TLE4: variants seen among roughly 807,000 people sequenced by gnomAD.
TLE4 encodes the protein TLE family member 4, transcriptional corepressor, also known as transducin-like enhancer protein 4.
Under a neutral mutation model 92.8 loss-of-function variants are expected in TLE4, and 8 were observed. The observed-to-expected ratio is 0.09, with a 90% CI of 0.05 to 0.16. TLE4 has a LOEUF of 0.16. Ranked by LOEUF, TLE4 falls within the 10% of genes least tolerant of loss-of-function variation. The pLI is 1.00. For synonymous variants in TLE4, 371 were observed against 374.1 expected, an observed-to-expected ratio of 0.99 and a Z score of 0.10; for missense variants, 675 against 997.6, an observed-to-expected ratio of 0.68 and a Z score of 4.36.
At chr9:79,649,671 C>T in intron 6 of TLE4, 1 of 453,234 alleles carries the variant, frequency 2.2e-6, no homozygotes. Context: ...AGAGAAGAAG[C>T]TCATTTTAGA....
At chr9:79,699,642 A>G (rs1373046251) in intron 8 of TLE4, among the ~76,000 whole-genome samples, 7 of 152,198 alleles carry the variant, frequency 4.6e-5, no homozygotes, top group African/African-American at 1.4e-4. Context: ...GCCATAACGA[A>G]TGAGTTTTAG....
intron 6 of TLE4, among the ~76,000 whole-genome samples, chr9:79,641,142 CT>C (rs1373069561): frequency 0.014 from 1,972 of 143,104 alleles, 15 homozygotes; most frequent in Non-Finnish European, 0.02. Flanking sequence ...CAGGAAGAAT[CT>C]TTTTTTTTTT....
intron 8 of TLE4, chr9:79,671,126 G>A: frequency 5.2e-6 from 2 of 386,022 alleles, no homozygotes; most frequent in South Asian, 3.6e-5. Context: ...GCTGATCCTA[G>A]CACATATTTA....
At chr9:79,591,511 A>C (rs1483137941) in intron 4 of TLE4, among the ~76,000 whole-genome samples, 2 of 152,222 alleles carry the variant, frequency 1.3e-5, no homozygotes, top group Non-Finnish European at 2.9e-5. Context: ...GAGATTAATC[A>C]GTAGTTGGTC....
intron 4 of TLE4, among the ~76,000 whole-genome samples, chr9:79,588,024 G>T (rs112889268): frequency 6.6e-5 from 10 of 152,294 alleles, no homozygotes; most frequent in African/African-American, 2.4e-4. Context: ...AGGTTACAGA[G>T]TAGGGGTGTC....
chr9:79,572,783 C>T lies in TLE4; in HGVS notation c.-8C>T, dbSNP rs775500015. 2.9e-5 allele frequency: 46 copies of T among 1,599,212 alleles called. No individual in the cohort carries two copies. Among genetic ancestry groups the T allele is most frequent in the African/African-American group, 4.1e-5 (3 of 73,068 alleles). On this transcript the variant is annotated 5_prime_UTR_variant, in exon 1 of 20. Coordinates refer to ENST00000376552, the MANE Select transcript of TLE4 (RefSeq NM_007005.6). ...CTCTGCCGAGCGCAGCCAACTAAAT[C>T]GGCTTGGATGATTCGCGACCTGAGC...
chr9:79,669,975 T>A (rs988743239), intron 8 of TLE4, among the ~76,000 whole-genome samples: 7 of 151,974 alleles, frequency 4.6e-5, no homozygotes, highest in Non-Finnish European at 8.8e-5. Context: ...TACTAGATGG[T>A]CAAATGGTAA....
At chr9:79,657,642 G>C (rs987742492) in intron 8 of TLE4, among the ~76,000 whole-genome samples, 1 of 152,126 alleles carries the variant, frequency 6.6e-6, no homozygotes, top group Admixed American at 6.5e-5. Context: ...CTGAGTGACT[G>C]AAATGAGGGT....
At chr9:79,670,753 G>A (rs2062170637) in intron 8 of TLE4, among the ~76,000 whole-genome samples, 1 of 152,124 alleles carries the variant, frequency 6.6e-6, no homozygotes, top group Non-Finnish European at 1.5e-5. Flanking sequence ...GAACCAGGTG[G>A]TCTGGGTTCA....
chr9:79,668,228 T>C (rs567185387), intron 8 of TLE4, among the ~76,000 whole-genome samples: 2 of 152,320 alleles, frequency 1.3e-5, no homozygotes, highest in Non-Finnish European at 2.9e-5. Context: ...TGTGAAGGAT[T>C]CATGCTTGTT....
rs1035407394 is a variant in TLE4 at position 79,673,803 on chromosome 9, G to A, written c.609+19728G>A. Among the ~76,000 whole-genome samples, 4 of 152,230 alleles carry A rather than the reference G, an allele frequency of 2.6e-5. 1 individual carries two copies. The South Asian group carries it at 8.3e-4, about 32-fold the overall frequency. ...CAACCTGATCAAATACACTAAATAT[G>A]AAACAAAACACAGGCTCAAAATAGA... On this transcript the variant is annotated intron_variant, in intron 8 of 19. Transcript: ENST00000376552.
intron 5 of TLE4, among the ~76,000 whole-genome samples, chr9:79,625,799 GAA>G (rs2052470323): frequency 1.3e-5 from 2 of 151,430 alleles, no homozygotes; most frequent in Non-Finnish European, 2.9e-5. Flanking sequence ...TTCAGAGAAA[GAA>G]ATTTTTTTCT....
chr9:79,681,784 AAGAGAGGG>A (rs1243662341), intron 8 of TLE4, among the ~76,000 whole-genome samples: 1 of 145,146 alleles, frequency 6.9e-6, no homozygotes, highest in South Asian at 2.2e-4. Flanking sequence ...AGGAGGGAGG[AAGAGAGGG>A]AGAGAGGGAG....
In TLE4 at chr9:79,726,065, A is replaced by G. The variant is rs1257028303; in HGVS notation, c.*921A>G. The G allele has an allele frequency of 6.6e-6, 1 of 152,636 alleles. No homozygotes were observed. The highest frequency in any genetic ancestry group is 1.5e-5 in the Non-Finnish European group (1 of 68,046). 9.5% of individuals were successfully genotyped at this position (152,636 alleles called of 1,614,324 possible). On this transcript the variant is annotated 3_prime_UTR_variant, in exon 20 of 20. Coordinates refer to ENST00000376552, the MANE Select transcript of TLE4 (RefSeq NM_007005.6). The stretch of plus-strand genomic sequence containing the variant: ...GTGGCATGCTCTTTGGGAGCTGCAC[A>G]GTTATGGGGAGGACTCCCACTGCTG...
chr9:79,588,134 G>A (rs1587746771), intron 4 of TLE4, among the ~76,000 whole-genome samples: 2 of 138,190 alleles, frequency 1.4e-5, no homozygotes, highest in Admixed American at 1.5e-4. Context: ...GTTTATCCTT[G>A]CGTGTGTGTG....
At chr9:79,582,075 A>G (rs2039822790) in intron 4 of TLE4, among the ~76,000 whole-genome samples, 1 of 152,104 alleles carries the variant, frequency 6.6e-6, no homozygotes, top group African/African-American at 2.4e-5. Flanking sequence ...GGCTTATGAG[A>G]GTGCCTACAG....
At chr9:79,720,417 TGTGTGTGTAAA>T in intron 16 of TLE4, 124 bp downstream of exon 16, 7 of 1,186,754 alleles carry the variant, frequency 5.9e-6, no homozygotes, top group Admixed American at 3.1e-5. Context: ...TGTGTGTGTG[TGTGTGTGTAAA>T]GTGATATAAT....
At chr9:79,633,098 A>G (rs2054747002) in intron 6 of TLE4, among the ~76,000 whole-genome samples, 1 of 152,140 alleles carries the variant, frequency 6.6e-6, no homozygotes, top group Non-Finnish European at 1.5e-5. Flanking sequence ...TACATTATTG[A>G]ATGATGTATT....
intron 5 of TLE4, among the ~76,000 whole-genome samples, chr9:79,615,244 A>G (rs2049264008): frequency 1.3e-5 from 2 of 152,138 alleles, no homozygotes. Flanking sequence ...CTGTCTCTTC[A>G]GAGGCATGGA....
Sources: gnomAD v4.1 joint callset for allele counts (sites outside exome capture counted in the v4.1 genomes callset) on GRCh38, gnomAD v4.1.1 for gene constraint, MANE v1.5 for transcripts, NCBI Gene and HGNC (gene_info 2026-07-23, HGNC 2026-07-21) for gene names.